Variants in DACH1 observed in about 807,000 individuals in gnomAD.
DACH1 encodes the protein dachshund homolog 1.
A neutral mutation model predicts 54.2 loss-of-function variants in DACH1; 12 were observed. That is an observed-to-expected ratio of 0.22 (90% CI 0.14 to 0.36). The LOEUF (loss-of-function observed/expected upper bound fraction) is 0.36. Ranked by LOEUF, DACH1 falls within the 10% of genes least tolerant of loss-of-function variation. DACH1 has a pLI of 1.00. For missense variants in DACH1, 805 were observed against 929.8 expected (o/e 0.87, Z 1.75); for synonymous variants, 386 against 366.2 (o/e 1.05, Z -0.62).
At chr13:71,475,930 T>G (rs1409307459) in intron 8 of DACH1, 81 bp from the exon 9 acceptor site, 2 of 1,082,392 alleles carry the variant, frequency 1.8e-6, no homozygotes, top group African/African-American at 1.6e-5. Context: ...TCTATATTTT[T>G]TATATTATTC....
rs1285678842 is a variant in DACH1 at position 71,735,343 on chromosome 13, CGTGTATATGGGATAT to C, written c.849-53448_849-53434del. The stretch of plus-strand genomic sequence containing the variant: ...GGGATATACACGTATACGGGATATA[CGTGTATATGGGATAT>C]ACACGTATACGGGATATACGTGTAT... On this transcript the variant is annotated intron_variant, in intron 1 of 10. Transcript: ENST00000613252. Among the ~76,000 whole-genome samples, 23 of 33,538 alleles carry C rather than the reference CGTGTATATGGGATAT, an allele frequency of 6.9e-4. 1 individual carries two copies. Among genetic ancestry groups the C allele is most frequent in the African/African-American group, 1.2e-3 (21 of 17,964 alleles). The allele number at this position is 33,538 out of a possible 152,430, so 22.0% of individuals were successfully genotyped here.
intron 6 of DACH1, among the ~76,000 whole-genome samples, chr13:71,555,535 A>T (rs1038648041): frequency 8.6e-5 from 13 of 151,404 alleles, no homozygotes; most frequent in Middle Eastern, 3.2e-3. Context: ...GTAGAGACGG[A>T]GTTTCACCAT....
At chr13:71,672,648 C>T (rs1013503654) in intron 2 of DACH1, among the ~76,000 whole-genome samples, 2 of 152,054 alleles carry the variant, frequency 1.3e-5, no homozygotes, top group African/African-American at 4.8e-5. Flanking sequence ...AAAAGTTTAT[C>T]TTGCTTTGCA....
chr13:71,763,965 T>C (rs1271335653), intron 1 of DACH1, among the ~76,000 whole-genome samples: 1 of 152,182 alleles, frequency 6.6e-6, no homozygotes, highest in Admixed American at 6.6e-5. Flanking sequence ...TAACGAACAT[T>C]TGTTGAATAT....
intron 1 of DACH1, among the ~76,000 whole-genome samples, chr13:71,786,350 T>A (rs1216387228): frequency 1.3e-5 from 2 of 152,120 alleles, no homozygotes; most frequent in East Asian, 3.9e-4. Flanking sequence ...ATGCCTTGCA[T>A]CCCATCAGGA....
intron 4 of DACH1, among the ~76,000 whole-genome samples, chr13:71,560,954 T>A (rs935534007): frequency 6.6e-6 from 1 of 152,186 alleles, no homozygotes; most frequent in African/African-American, 2.4e-5. Flanking sequence ...AATTAGTACA[T>A]TATTCCTTAT....
chr13:71,836,780 T>C (rs565948340), intron 1 of DACH1, among the ~76,000 whole-genome samples: 16 of 152,124 alleles, frequency 1.1e-4, no homozygotes, highest in African/African-American at 3.9e-4. Context: ...CCACTCTTCA[T>C]ACCCCAAGCT....
chr13:71,742,539 A>G (rs929281887), intron 1 of DACH1, among the ~76,000 whole-genome samples: 1 of 152,190 alleles, frequency 6.6e-6, no homozygotes, highest in African/African-American at 2.4e-5. Flanking sequence ...ATTGGGGAAA[A>G]AAAAGGAAGA....
chr13:71,855,926 T>A (rs1239922832), intron 1 of DACH1, among the ~76,000 whole-genome samples: 2 of 152,004 alleles, frequency 1.3e-5, no homozygotes, highest in Non-Finnish European at 2.9e-5. Flanking sequence ...TTATATCTAA[T>A]TAAATTTGTG....
chr13:71,866,847 A>C lies in DACH1; in HGVS notation c.-78T>G. On this transcript the variant is annotated 5_prime_UTR_variant, in exon 1 of 11. Coordinates refer to ENST00000613252, the MANE Select transcript of DACH1 (RefSeq NM_080759.6). ...CACACCCCCGGGAGGGGAAGGGGAA[A>C]AAAGGGGGGAGAAGGAGCGAGGGGG... The C allele has an allele frequency of 1.8e-6, 2 of 1,096,850 alleles. No homozygotes were observed. Among genetic ancestry groups the C allele is most frequent in the Admixed American group, 5.1e-5 (1 of 19,714 alleles). 67.9% of individuals were successfully genotyped at this position (1,096,850 alleles called of 1,614,324 possible).
chr13:71,625,236 G>C (rs555094608), intron 3 of DACH1, among the ~76,000 whole-genome samples: 17 of 151,998 alleles, frequency 1.1e-4, no homozygotes, highest in African/African-American at 4.1e-4. Context: ...CTAATTATAG[G>C]AAGGATTTGA....
chr13:71,510,875 A>T (rs1284598676), intron 6 of DACH1, among the ~76,000 whole-genome samples: 2 of 151,976 alleles, frequency 1.3e-5, no homozygotes, highest in African/African-American at 4.8e-5. Flanking sequence ...TGAACACATT[A>T]TTCTATGTAA....
intron 1 of DACH1, among the ~76,000 whole-genome samples, chr13:71,765,910 T>G (rs563960591): frequency 2.8e-4 from 39 of 140,178 alleles, no homozygotes; most frequent in African/African-American, 8.0e-4. Flanking sequence ...TTTTTGAGAC[T>G]GAGTCTCGCT....
chr13:71,852,376 TTTC>T (rs1261088235), intron 1 of DACH1, among the ~76,000 whole-genome samples: 2 of 149,210 alleles, frequency 1.3e-5, no homozygotes, highest in East Asian at 4.2e-4. Flanking sequence ...TTTTTTTTTT[TTTC>T]CTAATCAGAA....
chr13:71,557,244 T>G, intron 5 of DACH1, 86 bp from the exon 6 acceptor site: 2 of 1,183,262 alleles, frequency 1.7e-6, no homozygotes, highest in Non-Finnish European at 2.3e-6. Flanking sequence ...TAAACTCTCT[T>G]GGACTCAACA....
intron 1 of DACH1, among the ~76,000 whole-genome samples, chr13:71,802,161 T>A (rs936454267): frequency 6.6e-6 from 1 of 152,136 alleles, no homozygotes; most frequent in African/African-American, 2.4e-5. Flanking sequence ...AGAGCCTTTT[T>A]TTTTCCTGTC....
rs538196090 is a variant in DACH1 at position 71,631,651 on chromosome 13, A to C, written c.965-934T>G. Reference sequence around the variant, plus strand: ...TCTGTGATTGATCACTATTATCCTTACTTTACAGATTAGAAAACCATGGCA... The same window carrying C: ...TCTGTGATTGATCACTATTATCCTTCCTTTACAGATTAGAAAACCATGGCA... On this transcript the variant is annotated intron_variant, in intron 2 of 10. Transcript: ENST00000613252. 2.6e-5 allele frequency among the ~76,000 whole-genome samples: 4 copies of C among 152,300 alleles called. No homozygotes were observed. The South Asian group carries it at 8.3e-4, about 32-fold the overall frequency.
chr13:71,675,027 C>T, intron 2 of DACH1: 1 of 583,688 alleles, frequency 1.7e-6, no homozygotes. Flanking sequence ...GAGCTCCAGC[C>T]GAAGAGAAGG....
intron 1 of DACH1, among the ~76,000 whole-genome samples, chr13:71,854,627 C>T (rs1167219398): frequency 3.4e-5 from 5 of 148,694 alleles, no homozygotes; most frequent in Non-Finnish European, 7.4e-5. Context: ...CATATCATCA[C>T]CATTACAAAA....
Sources: allele counts gnomAD v4.1 joint callset (sites outside exome capture counted in the v4.1 genomes callset), GRCh38; gene constraint gnomAD v4.1.1; transcripts MANE v1.5; gene names NCBI Gene and HGNC (gene_info 2026-07-23, HGNC 2026-07-21).